Variants in ZNF431 observed in about 807,000 individuals in gnomAD.
ZNF431 encodes the protein zinc finger protein 431.
ZNF431 carries 34 observed loss-of-function variants against 57.0 expected under a neutral mutation model. That is an observed-to-expected ratio of 0.60 (90% CI 0.45 to 0.79). ZNF431 has a LOEUF of 0.79. Among genes scored for constraint, ZNF431 ranks in the 30% least tolerant of loss-of-function variants. The probability of loss-of-function intolerance (pLI) is 0.00; values close to 1 mark genes in which losing one functional copy is unlikely to be tolerated. For synonymous variants in ZNF431, 207 were observed against 220.3 expected (o/e 0.94, Z 0.54); for missense variants, 607 against 667.1 (o/e 0.91, Z 0.99).
chr19:21,184,990 T>C lies in ZNF431; in HGVS notation c.*956T>C, dbSNP rs1372138151. The C allele has an allele frequency of 3.3e-5, 5 of 152,314 alleles. No homozygotes were observed. Among genetic ancestry groups the C allele is most frequent in the African/African-American group, 9.6e-5 (4 of 41,594 alleles). 9.4% of individuals were successfully genotyped at this position (152,314 alleles called of 1,614,324 possible). A position where few individuals can be genotyped will look rare whatever the true frequency, so the allele number is the denominator to read the frequency against. On this transcript the variant is annotated 3_prime_UTR_variant, in exon 5 of 5. Coordinates refer to ENST00000311048, the MANE Select transcript of ZNF431 (RefSeq NM_133473.4). ...TTTGTTCAACATCAGGGAATTTATA[T>C]TGAAAAATTGTGCAAATATAATAAA...
In ZNF431 at chr19:21,143,576, C is replaced by T. The variant is rs748763051; in HGVS notation, c.29C>T (p.Pro10Leu). MDDLKYGVYPLKEASGCPGA... is the reference protein window; with the variant it reads MDDLKYGVYLLKEASGCPGA... ...GACGACTTGAAATATGGAGTGTATC[C>T]TCTCAAGGAAGCAAGTGGATGCCCT... The change falls in exon 2 of 5, where the codon CCT (proline) becomes CTT (leucine). Residue 10 changes from proline (P) to leucine (L), a missense_variant. Physicochemically the swap from Pro to Leu is moderately conservative, Grantham distance 98 (BLOSUM62 -3). Transcript: ENST00000311048. 1.9e-6 allele frequency: 3 copies of T among 1,613,728 alleles called. No individual in the cohort carries two copies. The highest frequency in any genetic ancestry group is 1.1e-5 in the South Asian group (1 of 91,078).
At chr19:21,160,578 T>G (rs548747578) in intron 2 of ZNF431, among the ~76,000 whole-genome samples, 6 of 152,266 alleles carry the variant, frequency 3.9e-5, no homozygotes, top group African/African-American at 1.4e-4. Context: ...CATCCTGGCT[T>G]ATCAGTGGGC....
chr19:21,169,504 ATGG>A (rs1215365099), intron 4 of ZNF431, among the ~76,000 whole-genome samples: 1 of 152,118 alleles, frequency 6.6e-6, no homozygotes, highest in Non-Finnish European at 1.5e-5. Flanking sequence ...CCCTAGGGTG[ATGG>A]AATGCCCTCT....
intron 4 of ZNF431, among the ~76,000 whole-genome samples, chr19:21,176,609 A>G (rs1385926476): frequency 1.3e-5 from 2 of 152,022 alleles, no homozygotes; most frequent in Non-Finnish European, 2.9e-5. Context: ...TAGACTCTGG[A>G]TATTAACCTT....
At chr19:21,174,977 G>A (rs769669055) in intron 4 of ZNF431, among the ~76,000 whole-genome samples, 21 of 152,028 alleles carry the variant, frequency 1.4e-4, no homozygotes, top group East Asian at 1.9e-4. Context: ...GGTCAGGCTG[G>A]TCCCAATCTG....
intron 2 of ZNF431, chr19:21,150,093 C>T: frequency 3.1e-6 from 2 of 639,782 alleles, no homozygotes; most frequent in South Asian, 2.9e-5. Context: ...TTCTTCTCGG[C>T]CCGGGCCAAC....
rs1199392621 is a variant in ZNF431 at position 21,186,203 on chromosome 19, A to C, written c.*2169A>C. On this transcript the variant is annotated 3_prime_UTR_variant, in exon 5 of 5. Transcript: ENST00000311048. The stretch of plus-strand genomic sequence containing the variant: ...GAGGCTGAGGCAGGAGAATCGCTTG[A>C]ACCTGGGAGGTGGAGGTTGCAATGA... The C allele has an allele frequency of 6.6e-6, 1 of 152,212 alleles. No homozygotes were observed. Among genetic ancestry groups the C allele is most frequent in the African/African-American group, 2.4e-5 (1 of 41,426 alleles). 9.4% of individuals were successfully genotyped at this position (152,212 alleles called of 1,614,324 possible).
chr19:21,179,760 A>C (rs1322325779), intron 4 of ZNF431, among the ~76,000 whole-genome samples: 2 of 151,994 alleles, frequency 1.3e-5, no homozygotes, highest in Non-Finnish European at 2.9e-5. Context: ...GGGTTTCACC[A>C]TATTGGTCAG....
At position 21,189,826 on chromosome 19, in the gene ZNF431, C is replaced by T; in HGVS notation, c.*5792C>T. On this transcript the variant is annotated 3_prime_UTR_variant, in exon 5 of 5. Transcript: ENST00000311048. ...TAATACAATGTCCTCCAACTTCATCCATGTGATTGAGAATAATAGTTTTTG... is the reference window on the plus strand; with the variant it reads ...TAATACAATGTCCTCCAACTTCATCTATGTGATTGAGAATAATAGTTTTTG... The T allele has an allele frequency of 2.5e-6, 1 of 397,516 alleles. No homozygotes were observed. The highest frequency in any genetic ancestry group is 4.4e-6 in the Non-Finnish European group (1 of 225,840). 24.6% of individuals were successfully genotyped at this position (397,516 alleles called of 1,614,324 possible). A position where few individuals can be genotyped will look rare whatever the true frequency, so the allele number is the denominator to read the frequency against.
chr19:21,164,851 C>CT (rs1405020129), intron 2 of ZNF431, among the ~76,000 whole-genome samples: 1 of 151,940 alleles, frequency 6.6e-6, no homozygotes, highest in African/African-American at 2.4e-5. Flanking sequence ...TGGCTCATGC[C>CT]TTTAATCCCA....
At chr19:21,153,915 C>T (rs974844347) in intron 2 of ZNF431, among the ~76,000 whole-genome samples, 120 of 152,270 alleles carry the variant, frequency 7.9e-4, no homozygotes, top group African/African-American at 2.7e-3. Context: ...GGGGTTTCTT[C>T]ATGTTGGTCA....
At chr19:21,161,730 T>C (rs1284267145) in intron 2 of ZNF431, among the ~76,000 whole-genome samples, 2 of 152,142 alleles carry the variant, frequency 1.3e-5, no homozygotes, top group Non-Finnish European at 1.5e-5. Flanking sequence ...CTAGGCTCAC[T>C]ACAACCTCCA....
chr19:21,178,620 A>T (rs1461863620), intron 4 of ZNF431, among the ~76,000 whole-genome samples: 2 of 152,132 alleles, frequency 1.3e-5, no homozygotes, highest in African/African-American at 4.8e-5. Context: ...TTGTATGCTG[A>T]ACCAGCCTTC....
At chr19:21,150,235 A>G in intron 2 of ZNF431, 1 of 524,330 alleles carries the variant, frequency 1.9e-6, no homozygotes, top group Admixed American at 2.4e-5. Context: ...AGCCGCCTAT[A>G]GAGGATGGCT....
At chr19:21,170,801 A>G (rs551620258) in intron 4 of ZNF431, among the ~76,000 whole-genome samples, 1 of 152,148 alleles carries the variant, frequency 6.6e-6, no homozygotes, top group South Asian at 2.1e-4. Flanking sequence ...AGCCTCCTGA[A>G]TAGCTGGGAC....
At chr19:21,160,062 G>A (rs2144972056) in intron 2 of ZNF431, among the ~76,000 whole-genome samples, 1 of 142,250 alleles carries the variant, frequency 7.0e-6, no homozygotes, top group African/African-American at 2.6e-5. Context: ...TCCTTTGATT[G>A]TACTTTACTT....
intron 2 of ZNF431, among the ~76,000 whole-genome samples, chr19:21,146,834 C>T (rs2095043958): frequency 1.3e-5 from 2 of 152,186 alleles, no homozygotes; most frequent in Non-Finnish European, 1.5e-5. Flanking sequence ...TTTTACCCAG[C>T]CCCTATTCAA....
chr19:21,144,783 T>G (rs1029968087), intron 2 of ZNF431, among the ~76,000 whole-genome samples: 1 of 152,176 alleles, frequency 6.6e-6, no homozygotes, highest in Non-Finnish European at 1.5e-5. Context: ...GATAATGTGG[T>G]AGATAATTGG....
chr19:21,158,694 T>C lies in ZNF431; in HGVS notation c.97-7641T>C, dbSNP rs536570706. Among the ~76,000 whole-genome samples, 4 of 151,794 alleles carry C rather than the reference T, an allele frequency of 2.6e-5. No individual in the cohort carries two copies. In the East Asian group the frequency reaches 7.8e-4, roughly 30 times the overall value. On this transcript the variant is annotated intron_variant, in intron 2 of 4. Transcript: ENST00000311048. ...TTAGTACCCTGAAACTTTGCTGGAG[T>C]TGTTTATCAGTTTAAACAGCTTTTT...
Sources: allele counts gnomAD v4.1 joint callset (sites outside exome capture counted in the v4.1 genomes callset), GRCh38; gene constraint gnomAD v4.1.1; transcripts MANE v1.5; gene names NCBI Gene and HGNC (gene_info 2026-07-23, HGNC 2026-07-21).